The following PCGF5 variants were observed in gnomAD, a reference collection of about 807,000 sequenced individuals.
PCGF5 encodes polycomb group RING finger protein 5.
Under a neutral mutation model 44.3 loss-of-function variants are expected in PCGF5, and 9 were observed. That is an observed-to-expected ratio of 0.20 (90% CI 0.12 to 0.35). The LOEUF (loss-of-function observed/expected upper bound fraction) is 0.35. Ranked by LOEUF, PCGF5 falls within the 10% of genes least tolerant of loss-of-function variation. The pLI, the probability that PCGF5 is intolerant of heterozygous loss-of-function variation, is 1.00. For missense variants in PCGF5, 146 were observed against 305.3 expected (o/e 0.48, Z 3.89); for synonymous variants, 95 against 102.5 (o/e 0.93, Z 0.44).
intron 7 of PCGF5, among the ~76,000 whole-genome samples, chr10:91,263,678 T>G (rs1214478032): frequency 2.0e-5 from 3 of 152,230 alleles, no homozygotes; most frequent in Non-Finnish European, 2.9e-5. Context: ...TCCTGTAGCC[T>G]TCTTAAAGAT....
chr10:91,252,906 C>T (rs1373366859), intron 6 of PCGF5, among the ~76,000 whole-genome samples: 1 of 151,984 alleles, frequency 6.6e-6, no homozygotes, highest in Non-Finnish European at 1.5e-5. Context: ...TCCTTTTTGA[C>T]ATCTTTGACA....
At chr10:91,263,673 T>C (rs1489086087) in intron 7 of PCGF5, among the ~76,000 whole-genome samples, 2 of 152,226 alleles carry the variant, frequency 1.3e-5, no homozygotes, top group Non-Finnish European at 2.9e-5. Flanking sequence ...ACAGTTCCTG[T>C]AGCCTTCTTA....
intron 1 of PCGF5, among the ~76,000 whole-genome samples, chr10:91,180,675 T>C (rs1001696419): frequency 6.6e-6 from 1 of 152,202 alleles, no homozygotes; most frequent in African/African-American, 2.4e-5. Context: ...TGTGGTCTTA[T>C]TTCTGGGTTC....
intron 1 of PCGF5, among the ~76,000 whole-genome samples, chr10:91,208,139 G>T (rs1844380209): frequency 6.6e-6 from 1 of 152,088 alleles, no homozygotes; most frequent in South Asian, 2.1e-4. Flanking sequence ...TAATAACATG[G>T]TTATAAAATA....
In PCGF5 at chr10:91,271,664, G is replaced by T. The variant is rs144351361; in HGVS notation, c.690G>T (p.Ser230=). 277 of 1,613,690 alleles carry T rather than the reference G, an allele frequency of 1.7e-4. No homozygotes were observed. The highest frequency in any genetic ancestry group is 2.2e-4 in the Non-Finnish European group (263 of 1,179,886). The change falls in exon 9 of 10, where the codon TCG becomes TCT. Residue 230 remains serine, a synonymous_variant. Transcript: ENST00000336126. The part of the protein sequence containing the change: ...ENFRCLNCSA[S]QVCSQDGPLY... ...TTCGGTGTCTGAACTGCTCAGCTTC[G>T]CAAGTCTGCTCTCAGGATGGCCCTT...
chr10:91,217,817 G>C (rs1046492353), upstream of PCGF5, among the ~76,000 whole-genome samples: 1 of 152,046 alleles, frequency 6.6e-6, no homozygotes, highest in Non-Finnish European at 1.5e-5. Context: ...ACATAGTCTC[G>C]CTCTTGTGCC....
chr10:91,259,190 G>A (rs1845831857), intron 6 of PCGF5, among the ~76,000 whole-genome samples: 1 of 152,130 alleles, frequency 6.6e-6, no homozygotes, highest in Non-Finnish European at 1.5e-5. Flanking sequence ...TTACAAATGA[G>A]ACACATCAGG....
At chr10:91,162,413 G>C (rs1843402208), upstream of PCGF5, among the ~76,000 whole-genome samples, 1 of 152,118 alleles carries the variant, frequency 6.6e-6, no homozygotes, top group Admixed American at 6.5e-5. Context: ...GGGAAGCCTG[G>C]ACTTGACCAT....
intron 2 of PCGF5, among the ~76,000 whole-genome samples, chr10:91,230,829 C>T (rs1844982469): frequency 6.6e-6 from 1 of 151,684 alleles, no homozygotes. Flanking sequence ...GGCCATGTTG[C>T]CCAGCCTGGT....
At chr10:91,268,248 A>G (rs1589409669) in intron 8 of PCGF5, among the ~76,000 whole-genome samples, 1 of 152,122 alleles carries the variant, frequency 6.6e-6, no homozygotes, top group South Asian at 2.1e-4. Flanking sequence ...CCAGTTGTCT[A>G]CTTTCTTTGG....
chr10:91,160,409 G>A (rs560254242), upstream of PCGF5, among the ~76,000 whole-genome samples: 1 of 152,322 alleles, frequency 6.6e-6, no homozygotes, highest in Non-Finnish European at 1.5e-5. Flanking sequence ...CCTTGTGACA[G>A]GCAATAGCAA....
intron 1 of PCGF5, among the ~76,000 whole-genome samples, chr10:91,209,054 A>G (rs1432860437): frequency 6.6e-6 from 1 of 152,172 alleles, no homozygotes; most frequent in Non-Finnish European, 1.5e-5. Flanking sequence ...CACTCTGGCC[A>G]TTTGTAGTTT....
intron 5 of PCGF5, among the ~76,000 whole-genome samples, chr10:91,250,012 A>G (rs1589395958): frequency 6.6e-6 from 1 of 152,076 alleles, no homozygotes; most frequent in Admixed American, 6.6e-5. Flanking sequence ...GGTTTACTCT[A>G]TGGTTCTACG....
chr10:91,237,572 G>A (rs906457156), intron 2 of PCGF5, among the ~76,000 whole-genome samples: 2 of 152,122 alleles, frequency 1.3e-5, no homozygotes, highest in Admixed American at 1.3e-4. Flanking sequence ...GCGAAACCCC[G>A]TCTCTACTAA....
In PCGF5 at chr10:91,278,403, G is replaced by A. The variant is rs1442969225; in HGVS notation, c.*87G>A. On this transcript the variant is annotated 3_prime_UTR_variant, in exon 10 of 10. Coordinates refer to ENST00000336126, the MANE Select transcript of PCGF5 (RefSeq NM_032373.5). ...TGCACAGTTAACGGTGTGTGGACTA[G>A]AGGAACACAACCAGATTTTCAGCAT... 9 of 1,198,114 alleles carry A rather than the reference G, an allele frequency of 7.5e-6. No individual in the cohort carries two copies. Among genetic ancestry groups the A allele is most frequent in the Admixed American group, 3.5e-5 (2 of 57,230 alleles). 74.2% of individuals were successfully genotyped at this position (1,198,114 alleles called of 1,614,324 possible).
intron 9 of PCGF5, among the ~76,000 whole-genome samples, chr10:91,273,012 A>G (rs1461224924): frequency 6.6e-6 from 1 of 152,240 alleles, no homozygotes; most frequent in East Asian, 1.9e-4. Context: ...TTAGCAGTTT[A>G]TCTAGAATTT....
upstream of PCGF5, among the ~76,000 whole-genome samples, chr10:91,215,777 T>C (rs1193295783): frequency 6.6e-6 from 1 of 152,274 alleles, no homozygotes; most frequent in Non-Finnish European, 1.5e-5. Flanking sequence ...CCCATAGTGC[T>C]GCTGCTTTCA....
intron 2 of PCGF5, among the ~76,000 whole-genome samples, chr10:91,226,951 CAAATG>C (rs1214479332): frequency 6.6e-6 from 1 of 152,040 alleles, no homozygotes; most frequent in African/African-American, 2.4e-5. Flanking sequence ...TTTTCAAACA[CAAATG>C]AGTTTTAGCT....
chr10:91,190,065 ATT>A (rs1844004013), intron 1 of PCGF5, among the ~76,000 whole-genome samples: 1 of 152,208 alleles, frequency 6.6e-6, no homozygotes, highest in Non-Finnish European at 1.5e-5. Context: ...ATAGAAATTT[ATT>A]TCTCACTGTT....
Sources: allele counts gnomAD v4.1 joint callset (sites outside exome capture counted in the v4.1 genomes callset), GRCh38; gene constraint gnomAD v4.1.1; transcripts MANE v1.5; gene names NCBI Gene and HGNC (gene_info 2026-07-23, HGNC 2026-07-21).